The following XIRP2 variants were observed in gnomAD, a reference collection of about 807,000 sequenced individuals.
XIRP2 encodes the protein xin actin binding repeat containing 2.
In XIRP2, 236 loss-of-function variants were observed where a neutral mutation model predicts 277.0. That is an observed-to-expected ratio of 0.85 (90% CI 0.77 to 0.95). The LOEUF is 0.95. Ranked by LOEUF, XIRP2 falls within the 40% of genes least tolerant of loss-of-function variation. The pLI is 0.00. For synonymous variants in XIRP2, 1,490 were observed against 1,416.5 expected (o/e 1.05, Z -1.17); for missense variants, 4,640 against 4,157.5 (o/e 1.12, Z -3.19).
Position 167,250,825 on chromosome 2 carries a change from C to T in XIRP2, c.9433C>T (p.Pro3145Ser), listed in dbSNP as rs2105448353. The change falls in exon 9 of 11, where the codon CCT (proline) becomes TCT (serine). Residue 3145 changes from proline to serine, a missense_variant. By Grantham distance (74) the Pro-to-Ser change is moderately conservative. Transcript: ENST00000409195. ...TACTAAGAACGAGCTTTCTCAGTCC[C>T]CTAAAAAGGACAGTTATGTTGAACC... ...NPTKNELSQSPKKDSYVEPPP... is the reference protein window; with the variant it reads ...NPTKNELSQSSKKDSYVEPPP... 1.2e-6 allele frequency: 2 copies of T among 1,613,446 alleles called. No homozygotes were observed. The highest frequency in any genetic ancestry group is 2.2e-5 in the South Asian group (2 of 91,048).
chr2:167,013,365 G>T lies in XIRP2; in HGVS notation c.408+109475G>T, dbSNP rs899256011. ...AAACAATTCTAGACTGAAAAATAGT[G>T]ACTTTCAAGTTGATCCTCTTTCTTA... On this transcript the variant is annotated intron_variant, in intron 2 of 10. Transcript: ENST00000409195. 2.8e-4 allele frequency among the ~76,000 whole-genome samples: 43 copies of T among 151,284 alleles called. 1 individual carries two copies. Among genetic ancestry groups the T allele is most frequent in the African/African-American group, 1.0e-3 (43 of 41,306 alleles).
At chr2:167,046,314 C>T (rs150534872) in intron 2 of XIRP2, among the ~76,000 whole-genome samples, 142 of 151,876 alleles carry the variant, frequency 9.3e-4, no homozygotes, top group African/African-American at 3.3e-3. Context: ...AGGTATTGCC[C>T]ATTCACTATG....
At chr2:167,132,346 A>G (rs1285733434) in intron 2 of XIRP2, among the ~76,000 whole-genome samples, 4 of 152,160 alleles carry the variant, frequency 2.6e-5, no homozygotes, top group African/African-American at 4.8e-5. Flanking sequence ...TAGTGGGTAG[A>G]GACCAGGAAG....
intron 2 of XIRP2, among the ~76,000 whole-genome samples, chr2:167,023,511 T>C (rs900732678): frequency 1.3e-5 from 2 of 152,092 alleles, no homozygotes; most frequent in African/African-American, 4.8e-5. Context: ...TTTGGTGTTT[T>C]AGACATGAAG....
intron 2 of XIRP2, among the ~76,000 whole-genome samples, chr2:167,006,087 C>G (rs777927740): frequency 4.6e-5 from 7 of 151,718 alleles, no homozygotes; most frequent in Non-Finnish European, 1.0e-4. Flanking sequence ...TACTGATTAC[C>G]TTATTCCAGA....
At chr2:166,922,290 G>T (rs769487753) in intron 2 of XIRP2, among the ~76,000 whole-genome samples, 1 of 152,108 alleles carries the variant, frequency 6.6e-6, no homozygotes. Context: ...TCTGTAATGT[G>T]CTGAGATTTG....
At chr2:166,942,569 A>G (rs531867785) in intron 2 of XIRP2, among the ~76,000 whole-genome samples, 2 of 152,350 alleles carry the variant, frequency 1.3e-5, no homozygotes, top group South Asian at 4.1e-4. Flanking sequence ...TCCATAAAAA[A>G]TATTGTGCAA....
At chr2:166,942,467 T>C (rs1183147048) in intron 2 of XIRP2, among the ~76,000 whole-genome samples, 2 of 152,198 alleles carry the variant, frequency 1.3e-5, no homozygotes, top group East Asian at 1.9e-4. Flanking sequence ...ATGAGGTCAT[T>C]TGCAACTGCG....
intron 2 of XIRP2, among the ~76,000 whole-genome samples, chr2:166,966,161 C>T (rs1365562697): frequency 6.6e-6 from 1 of 151,698 alleles, no homozygotes; most frequent in Non-Finnish European, 1.5e-5. Context: ...AAAATTTAGG[C>T]TGAATTCTTG....
intron 2 of XIRP2, among the ~76,000 whole-genome samples, chr2:166,916,303 C>T (rs1428318000): frequency 1.3e-5 from 2 of 152,170 alleles, no homozygotes; most frequent in African/African-American, 4.8e-5. Flanking sequence ...TAATTTATCT[C>T]TAATCTCAGA....
chr2:167,153,194 G>A lies in XIRP2; in HGVS notation c.562+17132G>A, dbSNP rs187512244. ...CATAGTTTTAATTTGTGAGTATAGG[G>A]GAGTATGCACTTTCATATAGAGACT... is the stretch of plus-strand genomic sequence containing the variant. On this transcript the variant is annotated intron_variant, in intron 3 of 10. Transcript: ENST00000409195. 2.4e-3 allele frequency among the ~76,000 whole-genome samples: 362 copies of A among 151,982 alleles called. 2 individuals carry two copies. Among genetic ancestry groups the A allele is most frequent in the African/African-American group, 8.4e-3 (347 of 41,494 alleles).
At chr2:167,182,561 A>G (rs1264753877) in intron 3 of XIRP2, among the ~76,000 whole-genome samples, 2 of 152,180 alleles carry the variant, frequency 1.3e-5, no homozygotes, top group Non-Finnish European at 2.9e-5. Context: ...TAAGGTCAGG[A>G]TAAATAATAT....
intron 2 of XIRP2, among the ~76,000 whole-genome samples, chr2:167,066,825 T>C (rs1009219556): frequency 4.6e-5 from 7 of 152,160 alleles, no homozygotes. Flanking sequence ...AGCCCTGTTA[T>C]ATTTGACAGC....
rs1695124278 is a variant in XIRP2, at chr2:167,243,086, A to G, written c.1694A>G (p.Glu565Gly). 6.2e-7 allele frequency: 1 copy of G among 1,613,958 alleles called. No homozygotes were observed. The highest frequency in any genetic ancestry group is 1.7e-5 in the Admixed American group (1 of 59,992). ...CTGAACTCAGAAAGAGAATACTTGGAATGGGATGAAATTCTGAAGGGAGAG... is the reference window on the plus strand; with the variant it reads ...CTGAACTCAGAAAGAGAATACTTGGGATGGGATGAAATTCTGAAGGGAGAG... ...KDLNSEREYLEWDEILKGEVQ... is the reference protein window; with the variant it reads ...KDLNSEREYLGWDEILKGEVQ... Residue 565 changes from glutamate to glycine, a missense_variant, in exon 9 of 11, where the codon GAA (glutamate) becomes GGA (glycine). Glu to Gly is a moderately conservative substitution (Grantham distance 98). Transcript: ENST00000409195.
Position 166,963,780 on chromosome 2 carries a change from T to C in XIRP2, c.408+59890T>C, listed in dbSNP as rs971815297. On this transcript the variant is annotated intron_variant, in intron 2 of 10. Coordinates refer to ENST00000409195, the MANE Select transcript of XIRP2 (RefSeq NM_152381.6). The stretch of plus-strand genomic sequence containing the variant: ...AGAGAGGTAAGCAGGAGTGACAACA[T>C]GTAACATCTTGAAATTTACTGTAAG... Among the ~76,000 whole-genome samples, 5 of 151,832 alleles carry C rather than the reference T, an allele frequency of 3.3e-5. No homozygotes were observed. The East Asian group carries it at 9.7e-4, about 29-fold the overall frequency.
chr2:167,201,521 T>G (rs1305782109), intron 3 of XIRP2, among the ~76,000 whole-genome samples: 2 of 152,192 alleles, frequency 1.3e-5, no homozygotes, highest in Non-Finnish European at 2.9e-5. Context: ...CTGCTTTGCA[T>G]TTTCCCTTCC....
chr2:167,159,067 A>T (rs1343371424), intron 3 of XIRP2, among the ~76,000 whole-genome samples: 2 of 152,114 alleles, frequency 1.3e-5, no homozygotes, highest in African/African-American at 4.8e-5. Flanking sequence ...GGGCACTACC[A>T]TGGCCCACCG....
intron 2 of XIRP2, among the ~76,000 whole-genome samples, chr2:167,097,225 C>T (rs111798022): frequency 0.031 from 4,766 of 152,232 alleles, 87 homozygotes; most frequent in East Asian, 0.05. Context: ...AATCTGGGTG[C>T]TCCTGTATTA....
chr2:167,247,176 T>C lies in XIRP2; in HGVS notation c.5784T>C (p.Ser1928=). 1 of 1,613,550 alleles carries C rather than the reference T, an allele frequency of 6.2e-7. No individual in the cohort carries two copies. Among genetic ancestry groups the C allele is most frequent in the Non-Finnish European group, 8.5e-7 (1 of 1,179,768 alleles). The change falls in exon 9 of 11, where the codon TCT becomes TCC. Residue 1928 remains serine (S), a synonymous_variant. Transcript: ENST00000409195. ...ATGACCTGGAAACATCACTAAGGTC[T>C]TTGAAAGAAGCACAAAGAAGTTTCA... is the stretch of plus-strand genomic sequence containing the variant. ...LKDDLETSLR[S]LKEAQRSFKE...
Sources: gnomAD v4.1 joint callset for allele counts (sites outside exome capture counted in the v4.1 genomes callset) on GRCh38, gnomAD v4.1.1 for gene constraint, MANE v1.5 for transcripts, NCBI Gene and HGNC (gene_info 2026-07-23, HGNC 2026-07-21) for gene names.